Variants in KSR2 observed in about 807,000 individuals in gnomAD.
KSR2 encodes kinase suppressor of ras 2.
KSR2 carries 25 observed loss-of-function variants against 107.8 expected under a neutral mutation model. The ratio of observed to expected loss-of-function variants is 0.23; its 90% CI spans 0.17 to 0.32. The LOEUF is 0.32. KSR2 is among the 10% of genes least tolerant of loss of function. KSR2 has a pLI of 1.00. For synonymous variants in KSR2, 480 were observed against 507.0 expected, an observed-to-expected ratio of 0.95 and a Z score of 0.71; for missense variants, 887 against 1,268.9, an observed-to-expected ratio of 0.70 and a Z score of 4.57.
Position 117,667,644 on chromosome 12 carries a change from C to CTCT in KSR2, c.998_1000dup (p.Lys333dup). 6.3e-7 allele frequency: 1 copy of CTCT among 1,586,952 alleles called. No homozygotes were observed. Among genetic ancestry groups the CTCT allele is most frequent in the Non-Finnish European group, 8.6e-7 (1 of 1,167,808 alleles). ...GTGGATCTTGAGGTTCAAGGGTTTGCTCTTCTTCTTGGCTCTGAAAGGGAG... is the reference window on the plus strand; with the variant it reads ...GTGGATCTTGAGGTTCAAGGGTTTGCTCTTCTTCTTCTTGGCTCTGAAAGGGAG... On this transcript the variant is annotated inframe_insertion, in exon 5 of 20. Transcript: ENST00000339824.
At chr12:117,894,821 T>G (rs1315497734) in intron 1 of KSR2, among the ~76,000 whole-genome samples, 5 of 150,930 alleles carry the variant, frequency 3.3e-5, no homozygotes, top group Non-Finnish European at 2.9e-5. Context: ...GATTGTAAGT[T>G]TCCTAAGGCC....
chr12:117,684,788 G>A (rs1338978970), intron 4 of KSR2, among the ~76,000 whole-genome samples: 4 of 152,152 alleles, frequency 2.6e-5, no homozygotes, highest in African/African-American at 2.4e-5. Flanking sequence ...TAAGGTAACC[G>A]GCGTTCCCAA....
intron 5 of KSR2, among the ~76,000 whole-genome samples, chr12:117,605,603 C>T (rs185472670): frequency 1.3e-5 from 2 of 152,188 alleles, no homozygotes; most frequent in Admixed American, 1.3e-4. Context: ...GTGTCCATGA[C>T]CCAGCAATCC....
At chr12:117,760,892 A>G in intron 4 of KSR2, 119 bp downstream of exon 4, 3 of 1,273,050 alleles carry the variant, frequency 2.4e-6, no homozygotes, top group Admixed American at 4.7e-5. Context: ...TCATTCAACC[A>G]GAGTCTGGAA....
At chr12:117,473,051 C>A (rs1287290567) in intron 17 of KSR2, among the ~76,000 whole-genome samples, 1 of 152,148 alleles carries the variant, frequency 6.6e-6, no homozygotes, top group Admixed American at 6.5e-5. Flanking sequence ...TATTCCCCAG[C>A]CCCTATACAC....
intron 1 of KSR2, among the ~76,000 whole-genome samples, chr12:117,929,297 G>A (rs958553551): frequency 6.6e-6 from 1 of 152,224 alleles, no homozygotes; most frequent in African/African-American, 2.4e-5. Context: ...CCAACTGGGA[G>A]ATAATTGAAT....
chr12:117,677,270 A>G (rs1473540602), intron 4 of KSR2: 1 of 152,208 alleles, frequency 6.6e-6, no homozygotes, highest in Non-Finnish European at 1.5e-5. Flanking sequence ...GGACTTCAGA[A>G]TGTGGCTGTA....
chr12:117,873,920 T>C (rs1471410383), intron 1 of KSR2, among the ~76,000 whole-genome samples: 1 of 152,216 alleles, frequency 6.6e-6, no homozygotes, highest in Non-Finnish European at 1.5e-5. Context: ...GATACTTTTA[T>C]AGCTATTTGA....
Position 117,855,575 on chromosome 12 carries a change from T to G in KSR2, c.325A>C (p.Ile109Leu), listed in dbSNP as rs1893075214. ...TCCAGGCTCAGCTGGCCGGGGGAGA[T>G]TTCCTAGAGGAGGGGAGAAGGATTG... ...VDVRKEVLEE[I>L]SPGQLSLEDL... Residue 109 changes from isoleucine to leucine, a missense_variant, in exon 3 of 20, where the codon ATC becomes CTC. By Grantham distance (5) the Ile-to-Leu change is conservative (BLOSUM62 2). Around this residue, in one of 8 missense-constraint regions of KSR2, gnomAD observed 399 missense variants for 479.5 expected, o/e 0.83. Coordinates refer to ENST00000339824, the MANE Select transcript of KSR2 (RefSeq NM_173598.6). The G allele has an allele frequency of 6.2e-7, 1 of 1,613,692 alleles. No homozygotes were observed. The highest frequency in any genetic ancestry group is 1.3e-5 in the African/African-American group (1 of 74,890).
At chr12:117,623,414 G>A (rs879502356) in intron 5 of KSR2, among the ~76,000 whole-genome samples, 3 of 151,970 alleles carry the variant, frequency 2.0e-5, no homozygotes, top group Non-Finnish European at 4.4e-5. Flanking sequence ...AGTGTGTGAT[G>A]TTCCCTCCCT....
chr12:117,579,689 G>A (rs559210947), intron 6 of KSR2, among the ~76,000 whole-genome samples: 8 of 152,236 alleles, frequency 5.3e-5, no homozygotes, highest in South Asian at 2.1e-4. Flanking sequence ...ATCACTTGCC[G>A]GTCATATCAC....
At position 117,777,088 on chromosome 12, in the gene KSR2, T is replaced by TTATATATATATATATATA. The variant is rs1288633301; in HGVS notation, c.473-15582_473-15565dup. ...AGACACTGTATTTAATATATATATT[T>TTATATATATATATATATA]TATATATATATATATATATACACAC... On this transcript the variant is annotated intron_variant, in intron 3 of 19. Transcript: ENST00000339824. Among the ~76,000 whole-genome samples the TTATATATATATATATATA allele has an allele frequency of 2.3e-3, 304 of 132,454 alleles. 1 individual carries two copies. The highest frequency in any genetic ancestry group is 6.8e-3 in the African/African-American group (218 of 32,134). 86.9% of individuals were successfully genotyped at this position (132,454 alleles called of 152,430 possible).
In KSR2 at chr12:117,707,324, G is replaced by A. The variant is rs1565972113; in HGVS notation, c.987-39666C>T. On this transcript the variant is annotated intron_variant, in intron 4 of 19. Coordinates refer to ENST00000339824, the MANE Select transcript of KSR2 (RefSeq NM_173598.6). ...GATAAAATGTTTTAAAATGGATTGT[G>A]GTGATGGTTGTACAACTTTGTTAAT... Among the ~76,000 whole-genome samples the A allele has an allele frequency of 2.6e-5, 4 of 152,218 alleles. No individual in the cohort carries two copies. In the South Asian group the frequency reaches 8.3e-4, roughly 32 times the overall value.
At chr12:117,738,474 C>A (rs765135791) in intron 4 of KSR2, among the ~76,000 whole-genome samples, 1 of 152,056 alleles carries the variant, frequency 6.6e-6, no homozygotes, top group Non-Finnish European at 1.5e-5. Flanking sequence ...ACCTGTTTAG[C>A]GTGTTACTCT....
chr12:117,612,915 C>T (rs1390231742), intron 5 of KSR2, among the ~76,000 whole-genome samples: 2 of 152,166 alleles, frequency 1.3e-5, no homozygotes, highest in Non-Finnish European at 2.9e-5. Flanking sequence ...TCTTTTGCTG[C>T]CCTGGAAAGA....
chr12:117,639,715 T>C (rs1054193476), intron 5 of KSR2, among the ~76,000 whole-genome samples: 2 of 151,494 alleles, frequency 1.3e-5, no homozygotes, highest in African/African-American at 4.9e-5. Context: ...AAAACAATAC[T>C]TGAGGTGGGA....
chr12:117,712,048 C>T (rs1886803772), intron 4 of KSR2, among the ~76,000 whole-genome samples: 1 of 152,196 alleles, frequency 6.6e-6, no homozygotes, highest in Non-Finnish European at 1.5e-5. Context: ...TCACCCAAGC[C>T]AACCCTCCCA....
At position 117,456,252 on chromosome 12, in the gene KSR2, A is replaced by G. The variant is rs1334690553; in HGVS notation, c.*10947T>C. On this transcript the variant is annotated 3_prime_UTR_variant, in exon 20 of 20. Transcript: ENST00000339824. ...CCAGTCGAGCCAGGACTGTCCAGAT[A>G]GCTTTGAAGGGGCAGGGTGTGCAGT... 6.6e-6 allele frequency: 1 copy of G among 152,274 alleles called. No homozygotes were observed. Among genetic ancestry groups the G allele is most frequent in the East Asian group, 1.9e-4 (1 of 5,156 alleles). The allele number at this position is 152,274 out of a possible 1,614,324, so 9.4% of individuals were successfully genotyped here. A position where few individuals can be genotyped will look rare whatever the true frequency, so the allele number is the denominator to read the frequency against.
At chr12:117,760,320 A>G (rs1277631288) in intron 4 of KSR2, among the ~76,000 whole-genome samples, 1 of 152,140 alleles carries the variant, frequency 6.6e-6, no homozygotes, top group Non-Finnish European at 1.5e-5. Context: ...AATTTCCCCA[A>G]CGTGTCCTGC....
Sources: gnomAD v4.1 joint callset for allele counts (sites outside exome capture counted in the v4.1 genomes callset) on GRCh38, gnomAD v4.1.1 for gene constraint, gnomAD v4.1.1 regional missense constraint, MANE v1.5 for transcripts, NCBI Gene and HGNC (gene_info 2026-07-23, HGNC 2026-07-21) for gene names.